The following WDR27 variants were observed in gnomAD, a reference collection of about 807,000 sequenced individuals.
The protein encoded by WDR27 is WD repeat-containing protein 27.
Under a neutral mutation model 114.4 loss-of-function variants are expected in WDR27, and 100 were observed. The ratio of observed to expected loss-of-function variants is 0.87; its 90% confidence interval spans 0.74 to 1.03. WDR27 has a LOEUF of 1.03. Among genes scored for constraint, WDR27 ranks in the 50% least tolerant of loss-of-function variants. WDR27 has a pLI of 0.00. For missense variants in WDR27, 1,129 were observed against 1,092.9 expected (o/e 1.03, Z -0.47); for synonymous variants, 449 against 423.1 (o/e 1.06, Z -0.75).
At chr6:169,660,491 C>T (rs1034712278) in intron 10 of WDR27, among the ~76,000 whole-genome samples, 172 bp downstream of exon 10, 5 of 152,154 alleles carry the variant, frequency 3.3e-5, no homozygotes, top group Non-Finnish European at 5.9e-5. Flanking sequence ...GGGCCCTCGT[C>T]CTTCGGATCC....
In WDR27 at chr6:169,476,365, C is replaced by T. The variant is rs185258655; in HGVS notation, c.2646-18731G>A. ...GTTAAAAGAACCTGCTCTCCATTAT[C>T]TCAAGTAGCAGAGCATATGCTAAAC... On this transcript the variant is annotated intron_variant, in intron 25 of 25. Transcript: ENST00000448612. Among the ~76,000 whole-genome samples, 33 of 152,300 alleles carry T rather than the reference C, an allele frequency of 2.2e-4. No homozygotes were observed. The East Asian group carries it at 2.5e-3, about 12-fold the overall frequency.
At chr6:169,656,156 G>A (rs1253096353) in intron 13 of WDR27, among the ~76,000 whole-genome samples, 4 of 151,860 alleles carry the variant, frequency 2.6e-5, no homozygotes, top group Non-Finnish European at 5.9e-5. Flanking sequence ...AGTGCATGTT[G>A]ATTGGTTTGT....
chr6:169,514,144 G>A (rs1021881631), intron 25 of WDR27, among the ~76,000 whole-genome samples: 3 of 151,870 alleles, frequency 2.0e-5, no homozygotes, highest in African/African-American at 7.3e-5. Context: ...CAAGACTATT[G>A]TAAGAATATA....
intron 25 of WDR27, among the ~76,000 whole-genome samples, chr6:169,514,681 T>G (rs180778512): frequency 5.2e-4 from 77 of 148,616 alleles, no homozygotes; most frequent in African/African-American, 1.7e-3. Context: ...GTTGGATTTA[T>G]TCTAGGAATA....
chr6:169,564,565 C>T (rs913586695), intron 25 of WDR27, among the ~76,000 whole-genome samples: 2 of 152,228 alleles, frequency 1.3e-5, no homozygotes, highest in East Asian at 1.9e-4. Context: ...CTGACCTCTC[C>T]GTGGCTGACC....
chr6:169,577,008 T>A lies in WDR27; in HGVS notation c.2524-4468A>T, dbSNP rs75848213. Among the ~76,000 whole-genome samples the A allele has an allele frequency of 6.2e-4, 94 of 151,946 alleles. 1 individual carries two copies. In the East Asian group the frequency reaches 0.01, roughly 16 times the overall value. On this transcript the variant is annotated intron_variant, in intron 24 of 25. Coordinates refer to ENST00000448612, the MANE Select transcript of WDR27 (RefSeq NM_182552.5). The stretch of plus-strand genomic sequence containing the variant: ...ACATTCGTGAATCATACAGCGATTA[T>A]GTATTTTATGTGAATGTAAACTGGC...
intron 25 of WDR27, among the ~76,000 whole-genome samples, chr6:169,494,030 T>C (rs1475910569): frequency 6.6e-6 from 1 of 152,228 alleles, no homozygotes; most frequent in Non-Finnish European, 1.5e-5. Context: ...TTAGATACAA[T>C]ATAGATTTAT....
chr6:169,648,926 G>A (rs55648400), intron 15 of WDR27, among the ~76,000 whole-genome samples: 1,851 of 152,294 alleles, frequency 0.012, 17 homozygotes, highest in Non-Finnish European at 0.017. Flanking sequence ...GAGGAGCATC[G>A]GCTACGGCAT....
intron 21 of WDR27, among the ~76,000 whole-genome samples, chr6:169,617,823 C>T (rs1445911426): frequency 6.6e-6 from 1 of 152,226 alleles, no homozygotes; most frequent in Non-Finnish European, 1.5e-5. Flanking sequence ...TTCCTATTGG[C>T]ACAACTGCCA....
intron 23 of WDR27, among the ~76,000 whole-genome samples, chr6:169,597,948 A>C (rs1807167748): frequency 6.7e-6 from 1 of 149,426 alleles, no homozygotes; most frequent in African/African-American, 2.5e-5. Flanking sequence ...CCTTTGCCTG[A>C]AACATAGGTC....
the WDR27 span, among the ~76,000 whole-genome samples, chr6:169,429,527 G>A: frequency 6.7e-6 from 1 of 149,804 alleles, no homozygotes; most frequent in Non-Finnish European, 1.5e-5. Context: ...AGTGATGAAT[G>A]AATTCTCCCA....
At chr6:169,558,665 C>T (rs1799247251) in intron 25 of WDR27, 2 of 152,226 alleles carry the variant, frequency 1.3e-5, no homozygotes, top group African/African-American at 2.4e-5. Flanking sequence ...AGCTTGCAGG[C>T]TCTTCCATGG....
Position 169,660,666 on chromosome 6 carries a change from T to C in WDR27, c.1126A>G (p.Lys376Glu), listed in dbSNP as rs917594623. Residue 376 changes from lysine (K) to glutamate (E), a missense_variant, in exon 10 of 26, where the codon AAG becomes GAG. Physicochemically the swap from Lys to Glu is moderately conservative, Grantham distance 56. Transcript: ENST00000448612. The stretch of plus-strand genomic sequence containing the variant: ...GCGTTGAAATCAAAGATCTTACCCT[T>C]GTAATACAAAGCAGCTTCCACTTCC... Reference protein sequence around the residue: ...NLEVEAALYYKDFQSLSILLA... With the variant: ...NLEVEAALYYEDFQSLSILLA... 2.5e-6 allele frequency: 4 copies of C among 1,613,022 alleles called. No homozygotes were observed. Among genetic ancestry groups the C allele is most frequent in the South Asian group, 1.1e-5 (1 of 91,070 alleles).
intron 25 of WDR27, among the ~76,000 whole-genome samples, chr6:169,544,749 T>A (rs1210902991): frequency 2.6e-5 from 4 of 152,196 alleles, no homozygotes; most frequent in African/African-American, 9.7e-5. Context: ...TCAGTCTCAT[T>A]TCTATATACT....
chr6:169,668,207 T>G, intron 4 of WDR27, 22 bp from the exon 5 acceptor site: 1 of 1,612,174 alleles, frequency 6.2e-7, no homozygotes, highest in East Asian at 2.2e-5. Context: ...AAGCCCAAAT[T>G]ATTCCTCTGT....
At chr6:169,552,926 A>T (rs1651243409) in intron 25 of WDR27, among the ~76,000 whole-genome samples, 1 of 149,696 alleles carries the variant, frequency 6.7e-6, no homozygotes, top group Non-Finnish European at 1.5e-5. Flanking sequence ...AAGGCAGCTA[A>T]GCGCGGCTCG....
intron 25 of WDR27, among the ~76,000 whole-genome samples, chr6:169,515,915 A>G (rs2128056726): frequency 6.6e-6 from 1 of 152,058 alleles, no homozygotes; most frequent in Non-Finnish European, 1.5e-5. Flanking sequence ...CAGTTGACAT[A>G]TTCAAATTAT....
At position 169,636,367 on chromosome 6, in the gene WDR27, C is replaced by T; in HGVS notation, c.2003+4G>A. 6.2e-7 allele frequency: 1 copy of T among 1,613,512 alleles called. No individual in the cohort carries two copies. Among genetic ancestry groups the T allele is most frequent in the East Asian group, 2.2e-5 (1 of 44,856 alleles). ...AAATAATGCACAGGGCGGGGGGTGC[C>T]TACCTCTTAATCTCATCTTTGCAAG... is the stretch of plus-strand genomic sequence containing the variant. On this transcript the variant is annotated splice_donor_region_variant and intron_variant, in intron 19 of 25. Transcript: ENST00000448612.
chr6:169,550,909 T>C (rs1243807723), intron 25 of WDR27, among the ~76,000 whole-genome samples: 1 of 152,060 alleles, frequency 6.6e-6, no homozygotes, highest in Non-Finnish European at 1.5e-5. Flanking sequence ...AGAGACGGGG[T>C]CTCACTATGT....
Sources: allele counts gnomAD v4.1 joint callset (sites outside exome capture counted in the v4.1 genomes callset), GRCh38; gene constraint gnomAD v4.1.1; transcripts MANE v1.5; gene names NCBI Gene and HGNC (gene_info 2026-07-23, HGNC 2026-07-21).